CDH4: variants seen among roughly 807,000 people sequenced by gnomAD.
CDH4 encodes the protein cadherin-4.
Under a neutral mutation model 86.0 loss-of-function variants are expected in CDH4, and 33 were observed. That is an observed-to-expected ratio of 0.38 (90% CI 0.29 to 0.51). CDH4 has a LOEUF of 0.51. Among genes scored for constraint, CDH4 ranks in the 20% least tolerant of loss-of-function variants. CDH4 has a pLI of 0.86. For synonymous variants in CDH4, 555 were observed against 549.4 expected, an observed-to-expected ratio of 1.01 and a Z score of -0.14; for missense variants, 1,114 against 1,307.4, an observed-to-expected ratio of 0.85 and a Z score of 2.28.
intron 4 of CDH4, among the ~76,000 whole-genome samples, chr20:61,804,602 T>C (rs1357158526): frequency 6.6e-6 from 1 of 152,172 alleles, no homozygotes; most frequent in East Asian, 1.9e-4. Flanking sequence ...ATCCCTCCTG[T>C]CTCCTCTGTG....
At chr20:61,410,847 ATCCG>A (rs1020961990) in intron 2 of CDH4, among the ~76,000 whole-genome samples, 2 of 150,548 alleles carry the variant, frequency 1.3e-5, no homozygotes, top group South Asian at 2.1e-4. Flanking sequence ...CCATCCATCC[ATCCG>A]TCCGTCCGTC....
At chr20:61,629,849 T>C (rs6121731) in intron 2 of CDH4, among the ~76,000 whole-genome samples, 89,203 of 151,644 alleles carry the variant, frequency 0.59, 26,354 homozygotes, top group East Asian at 0.72. Context: ...CTTCCTTAGA[T>C]GGTCTTCAGG....
intron 2 of CDH4, among the ~76,000 whole-genome samples, chr20:61,696,289 G>T (rs1049770488): frequency 6.6e-6 from 1 of 152,254 alleles, no homozygotes; most frequent in African/African-American, 2.4e-5. Context: ...CCTTTACAGG[G>T]CTGAGCCAGG....
intron 2 of CDH4, among the ~76,000 whole-genome samples, chr20:61,701,063 A>G (rs1434055818): frequency 3.9e-5 from 6 of 152,152 alleles, no homozygotes; most frequent in Non-Finnish European, 8.8e-5. Flanking sequence ...TGGTTTGACG[A>G]AAGCCGTCAG....
intron 4 of CDH4, among the ~76,000 whole-genome samples, chr20:61,798,398 C>A (rs1979658341): frequency 1.3e-5 from 2 of 152,254 alleles, no homozygotes; most frequent in South Asian, 2.1e-4. Context: ...TCAGCCCGTC[C>A]GGACCCTCCG....
At chr20:61,662,187 G>C in intron 2 of CDH4, among the ~76,000 whole-genome samples, 1 of 152,254 alleles carries the variant, frequency 6.6e-6, no homozygotes, top group Non-Finnish European at 1.5e-5. Flanking sequence ...ATCGATGCTG[G>C]TAGACCATGC....
intron 2 of CDH4, among the ~76,000 whole-genome samples, chr20:61,444,516 CGT>C (rs1210194611): frequency 3.1e-5 from 2 of 64,500 alleles, no homozygotes; most frequent in African/African-American, 5.9e-5. Flanking sequence ...TGTGTTTCTG[CGT>C]GTGTTTTTGT....
chr20:61,632,562 T>G (rs1401724717), intron 2 of CDH4, among the ~76,000 whole-genome samples: 1 of 151,894 alleles, frequency 6.6e-6, no homozygotes, highest in Non-Finnish European at 1.5e-5. Context: ...GGCTGGGTGG[T>G]CTCTCCTTTG....
intron 2 of CDH4, chr20:61,370,253 G>C (rs1200387560): frequency 2.6e-5 from 4 of 153,278 alleles, no homozygotes; most frequent in Non-Finnish European, 5.8e-5. Context: ...TGAGCTCCTG[G>C]CTGGCCCTGG....
chr20:61,889,968 T>C (rs1428508878), intron 7 of CDH4, among the ~76,000 whole-genome samples: 1 of 145,546 alleles, frequency 6.9e-6, no homozygotes, highest in Non-Finnish European at 1.5e-5. Flanking sequence ...GATGGATGGA[T>C]GGATGATGGG....
intron 2 of CDH4, among the ~76,000 whole-genome samples, chr20:61,711,828 G>A (rs1412457348): frequency 1.3e-5 from 2 of 152,196 alleles, no homozygotes; most frequent in African/African-American, 2.4e-5. Context: ...GACGGGTGGT[G>A]GAGGAAGGTG....
In CDH4 at chr20:61,510,663, T is replaced by G. The variant is rs991824346; in HGVS notation, c.170-232900T>G. 2.0e-5 allele frequency among the ~76,000 whole-genome samples: 3 copies of G among 152,110 alleles called. No individual in the cohort carries two copies. The highest frequency in any genetic ancestry group is 7.2e-5 in the African/African-American group (3 of 41,414). ...TTGGGGGATTGCGTTGCTGGGGAAT[T>G]ACTTGCTTGGGGGATTATGAGGCGG... is the stretch of plus-strand genomic sequence containing the variant. On this transcript the variant is annotated intron_variant, in intron 2 of 15. Coordinates refer to ENST00000614565, the MANE Select transcript of CDH4 (RefSeq NM_001794.5). This position sits in a 1 kb window ranked among gnomAD's most constrained non-coding sequence, Gnocchi z 4.2.
intron 2 of CDH4, among the ~76,000 whole-genome samples, chr20:61,720,099 C>T (rs577598857): frequency 2.0e-5 from 3 of 152,050 alleles, no homozygotes; most frequent in Non-Finnish European, 2.9e-5. Flanking sequence ...TGGGGAGTGC[C>T]GCCTGCTGTT....
chr20:61,904,987 T>A lies in CDH4; in HGVS notation c.1189-5435T>A, dbSNP rs2122906530. On this transcript the variant is annotated intron_variant, in intron 8 of 15. Transcript: ENST00000614565. Reference sequence around the variant, plus strand: ...GAATGGTGACCTTCCCCTGAGAAGCTCACAGTTTCTGCCTCAGAGCTGGGA... The same window carrying A: ...GAATGGTGACCTTCCCCTGAGAAGCACACAGTTTCTGCCTCAGAGCTGGGA... 1.3e-5 allele frequency among the ~76,000 whole-genome samples: 2 copies of A among 152,330 alleles called. 1 individual carries two copies. The highest frequency in any genetic ancestry group is 4.1e-4 in the South Asian group (2 of 4,830).
At chr20:61,354,898 G>A (rs2084738805) in intron 2 of CDH4, among the ~76,000 whole-genome samples, 1 of 152,202 alleles carries the variant, frequency 6.6e-6, no homozygotes, top group African/African-American at 2.4e-5. Flanking sequence ...TCTGGCTGCC[G>A]ACGCAGCTTA....
At chr20:61,718,524 G>A (rs370856327) in intron 2 of CDH4, 49 of 318,994 alleles carry the variant, frequency 1.5e-4, no homozygotes, top group East Asian at 1.3e-3. Context: ...ATCCCAGGCC[G>A]TGCTTCCCTT....
chr20:61,786,057 C>G (rs1978861461), intron 4 of CDH4, among the ~76,000 whole-genome samples: 1 of 152,158 alleles, frequency 6.6e-6, no homozygotes, highest in Non-Finnish European at 1.5e-5. Flanking sequence ...GAATCCACGT[C>G]CAGGATGGGA....
At chr20:61,339,370 C>T (rs1187897290) in intron 2 of CDH4, among the ~76,000 whole-genome samples, 1 of 147,852 alleles carries the variant, frequency 6.8e-6, no homozygotes. Flanking sequence ...GAATGTGTGA[C>T]ACTTCCTGGA....
chr20:61,672,538 C>T (rs1188805980), intron 2 of CDH4, among the ~76,000 whole-genome samples: 1 of 152,166 alleles, frequency 6.6e-6, no homozygotes, highest in East Asian at 1.9e-4. Flanking sequence ...CAGCACTGTG[C>T]TTGCTGTGTA....
Sources: gnomAD v4.1 joint callset for allele counts (sites outside exome capture counted in the v4.1 genomes callset) on GRCh38, gnomAD v4.1.1 for gene constraint, Gnocchi (gnomAD v3.1) non-coding constraint, MANE v1.5 for transcripts, NCBI Gene and HGNC (gene_info 2026-07-23, HGNC 2026-07-21) for gene names.